The following TENT4A variants were observed in gnomAD, a reference collection of about 807,000 sequenced individuals.
The protein encoded by TENT4A is terminal nucleotidyltransferase 4A, also known as DNA polymerase kappa.
TENT4A carries 7 observed loss-of-function variants against 72.8 expected under a neutral mutation model. The ratio of observed to expected loss-of-function variants is 0.10; its 90% CI spans 0.05 to 0.18. The LOEUF (loss-of-function observed/expected upper bound fraction) is 0.18, where lower values mean the gene tolerates loss of function less well. Among genes scored for constraint, TENT4A ranks in the 10% least tolerant of loss-of-function variants. The pLI is 1.00. For missense variants in TENT4A, 831 were observed against 1,017.7 expected, an observed-to-expected ratio of 0.82 and a Z score of 2.50; for synonymous variants, 456 against 434.3, an observed-to-expected ratio of 1.05 and a Z score of -0.62.
Position 6,755,453 on chromosome 5 carries a change from CAG to C in TENT4A, c.*510_*511del, listed in dbSNP as rs1742643538. ...AAAACTTATGATTTGTGCAATAACT[CAG>C]ATATTTTTTATTTAATTTCCTATTT... is the stretch of plus-strand genomic sequence containing the variant. On this transcript the variant is annotated 3_prime_UTR_variant, in exon 13 of 13. Transcript: ENST00000230859. 6.5e-6 allele frequency: 1 copy of C among 152,732 alleles called. No homozygotes were observed. The highest frequency in any genetic ancestry group is 6.5e-5 in the Admixed American group (1 of 15,280). 9.5% of individuals were successfully genotyped at this position (152,732 alleles called of 1,614,324 possible).
At chr5:6,731,050 G>A (rs975978824) in intron 1 of TENT4A, among the ~76,000 whole-genome samples, 4 of 152,196 alleles carry the variant, frequency 2.6e-5, no homozygotes, top group Non-Finnish European at 5.9e-5. Flanking sequence ...TGAATCAGTT[G>A]TTGTTTTGGT....
At chr5:6,724,762 C>T (rs1011917323) in intron 1 of TENT4A, among the ~76,000 whole-genome samples, 1 of 152,336 alleles carries the variant, frequency 6.6e-6, no homozygotes, top group African/African-American at 2.4e-5. Context: ...GGGACCTCAG[C>T]TTTTCCTCTG....
Position 6,739,928 on chromosome 5 carries a change from G to A in TENT4A, c.1008+76G>A, listed in dbSNP as rs956248299. The A allele has an allele frequency of 3.4e-4, 480 of 1,424,458 alleles. 5 individuals are homozygous for A. The highest frequency in any genetic ancestry group is 1.9e-4 in the Middle Eastern group (1 of 5,390). 88.2% of individuals were successfully genotyped at this position (1,424,458 alleles called of 1,614,324 possible). On this transcript the variant is annotated intron_variant, in intron 4 of 12. Coordinates refer to ENST00000230859, the MANE Select transcript of TENT4A (RefSeq NM_006999.6). ...CCAGGTGGTCACAGGATACGCCTGC[G>A]TCACGAGCTTGTGGTATTTTACACA...
At chr5:6,745,382 C>T (rs188220215) in intron 6 of TENT4A, among the ~76,000 whole-genome samples, 1 of 152,274 alleles carries the variant, frequency 6.6e-6, no homozygotes, top group Admixed American at 6.5e-5. Flanking sequence ...TGCCCTCGTC[C>T]ATCCCTTTCG....
At chr5:6,730,603 C>G (rs1741164638) in intron 1 of TENT4A, among the ~76,000 whole-genome samples, 1 of 152,092 alleles carries the variant, frequency 6.6e-6, no homozygotes, top group Non-Finnish European at 1.5e-5. Context: ...ATTCACAGCC[C>G]CTGTGTAGAA....
At position 6,724,938 on chromosome 5, in the gene TENT4A, G is replaced by A. The variant is rs188373929; in HGVS notation, c.716+10239G>A. Among the ~76,000 whole-genome samples the A allele has an allele frequency of 2.0e-3, 302 of 152,330 alleles. 1 individual carries two copies. The highest frequency in any genetic ancestry group is 3.6e-3 in the Non-Finnish European group (246 of 68,030). The stretch of plus-strand genomic sequence containing the variant: ...AGCTGGTAGGTGTAAAGCAGGCATT[G>A]GAGTCCAGGTAGTCTCACTCCGTAG... On this transcript the variant is annotated intron_variant, in intron 1 of 12. Coordinates refer to ENST00000230859, the MANE Select transcript of TENT4A (RefSeq NM_006999.6).
At chr5:6,725,522 G>T (rs982115262) in intron 1 of TENT4A, among the ~76,000 whole-genome samples, 1 of 152,198 alleles carries the variant, frequency 6.6e-6, no homozygotes, top group East Asian at 1.9e-4. Flanking sequence ...AGGACCTGGT[G>T]CTGTCATCAC....
chr5:6,748,324 C>T, intron 7 of TENT4A, 140 bp from the exon 8 acceptor site: 1 of 1,137,268 alleles, frequency 8.8e-7, no homozygotes, highest in Non-Finnish European at 1.3e-6. Context: ...ATTGTGTTCG[C>T]CTGTCTGGGC....
intron 1 of TENT4A, among the ~76,000 whole-genome samples, chr5:6,719,052 G>A (rs1002236610): frequency 2.6e-5 from 4 of 152,066 alleles, no homozygotes; most frequent in African/African-American, 9.6e-5. Flanking sequence ...TGCTGTGAGC[G>A]TGTGATGGAA....
chr5:6,714,723 G>T, intron 1 of TENT4A, 24 bp downstream of exon 1: 1 of 1,158,124 alleles, frequency 8.6e-7, no homozygotes, highest in East Asian at 3.7e-5. Flanking sequence ...GAGGCCGCGG[G>T]GGCGGGGGCG....
Position 6,755,903 on chromosome 5 carries a change from A to C in TENT4A, c.*958A>C, listed in dbSNP as rs1036617197. On this transcript the variant is annotated 3_prime_UTR_variant, in exon 13 of 13. Transcript: ENST00000230859. ...TTATAAAATCTTTAGGAAAATGTGAACTGGAAAACGCTTCGGTCAGTTTTA... is the reference window on the plus strand; with the variant it reads ...TTATAAAATCTTTAGGAAAATGTGACCTGGAAAACGCTTCGGTCAGTTTTA... The C allele has an allele frequency of 1.3e-5, 2 of 152,258 alleles. No homozygotes were observed. Among genetic ancestry groups the C allele is most frequent in the African/African-American group, 4.8e-5 (2 of 41,468 alleles). The allele number at this position is 152,258 out of a possible 1,614,324, so 9.4% of individuals were successfully genotyped here. A position where few individuals can be genotyped will look rare whatever the true frequency, so the allele number is the denominator to read the frequency against.
At chr5:6,751,008 T>C in intron 10 of TENT4A, 31 bp from the exon 11 acceptor site, 1 of 1,611,800 alleles carries the variant, frequency 6.2e-7, no homozygotes, top group Non-Finnish European at 8.5e-7. Context: ...GTGGTACAGC[T>C]GTCCTTTTTG....
intron 1 of TENT4A, chr5:6,715,205 CCTTT>C (rs1740306749): frequency 6.6e-6 from 1 of 152,140 alleles, no homozygotes; most frequent in African/African-American, 2.4e-5. Flanking sequence ...GGTGTTGTGT[CCTTT>C]AATTTTGTGC....
At chr5:6,726,514 C>T (rs562613974) in intron 1 of TENT4A, among the ~76,000 whole-genome samples, 127 of 152,228 alleles carry the variant, frequency 8.3e-4, no homozygotes, top group African/African-American at 3.0e-3. Flanking sequence ...TGACTTGTGC[C>T]GTGCCACCTT....
chr5:6,726,353 A>G lies in TENT4A; in HGVS notation c.717-11157A>G, dbSNP rs149061722. ...TTCCACAGACCTCATGCTCATCATC[A>G]GGAGGCTTCCCGGGACTGCTGCCTG... On this transcript the variant is annotated intron_variant, in intron 1 of 12. Coordinates refer to ENST00000230859, the MANE Select transcript of TENT4A (RefSeq NM_006999.6). Among the ~76,000 whole-genome samples the G allele has an allele frequency of 3.1e-3, 470 of 152,264 alleles. 5 individuals are homozygous for G. The highest frequency in any genetic ancestry group is 0.011 in the African/African-American group (449 of 41,556).
In TENT4A at chr5:6,752,999, T is replaced by C; in HGVS notation, c.2146T>C (p.Ser716Pro). ...GTCTTCCCCGGCCATTCCCTCAGCGTCCCCCAACCCGCTCTCGAGCCCTCA... is the reference window on the plus strand; with the variant it reads ...GTCTTCCCCGGCCATTCCCTCAGCGCCCCCCAACCCGCTCTCGAGCCCTCA... ...HMSSPAIPSASPNPLSSPHLY... is the reference protein window; with the variant it reads ...HMSSPAIPSAPPNPLSSPHLY... Residue 716 changes from serine to proline, a missense_variant, in exon 12 of 13, where the codon TCC becomes CCC. Physicochemically the swap from Ser to Pro is moderately conservative, Grantham distance 74. Transcript: ENST00000230859. The C allele has an allele frequency of 6.2e-7, 1 of 1,614,106 alleles. No individual in the cohort carries two copies. Among genetic ancestry groups the C allele is most frequent in the South Asian group, 1.1e-5 (1 of 91,082 alleles).
intron 1 of TENT4A, among the ~76,000 whole-genome samples, chr5:6,724,352 T>G (rs1004235408): frequency 1.3e-5 from 2 of 152,172 alleles, no homozygotes; most frequent in African/African-American, 4.8e-5. Flanking sequence ...AAAACATTAT[T>G]AAAAAATGGA....
chr5:6,753,006 A>G lies in TENT4A; in HGVS notation c.2153A>G (p.Asn718Ser), dbSNP rs1464977493. The G allele has an allele frequency of 3.1e-6, 5 of 1,613,774 alleles. No individual in the cohort carries two copies. Among genetic ancestry groups the G allele is most frequent in the African/African-American group, 2.7e-5 (2 of 74,802 alleles). Residue 718 changes from asparagine (N) to serine (S), a missense_variant, in exon 12 of 13, where the codon AAC becomes AGC. Physicochemically the swap from Asn to Ser is conservative, Grantham distance 46. Around this residue, in one of 3 missense-constraint regions of TENT4A, gnomAD observed 332 missense variants for 324.3 expected, o/e 1.02. Coordinates refer to ENST00000230859, the MANE Select transcript of TENT4A (RefSeq NM_006999.6). ...SSPAIPSASP[N>S]PLSSPHLYHK... is the part of the protein sequence containing the mutation. ...CCGGCCATTCCCTCAGCGTCCCCCA[A>G]CCCGCTCTCGAGCCCTCATCTGTAT...
intron 5 of TENT4A, among the ~76,000 whole-genome samples, 177 bp from the exon 6 acceptor site, chr5:6,743,535 T>C (rs1215298167): frequency 1.3e-5 from 2 of 152,150 alleles, no homozygotes; most frequent in Admixed American, 6.5e-5. Flanking sequence ...CACAAGCCCC[T>C]CAGGAAATTA....
Sources: allele counts gnomAD v4.1 joint callset (sites outside exome capture counted in the v4.1 genomes callset), GRCh38; gene constraint gnomAD v4.1.1; regional missense constraint gnomAD v4.1.1; transcripts MANE v1.5; gene names NCBI Gene and HGNC (gene_info 2026-07-23, HGNC 2026-07-21).